The following PTPRM variants were observed in gnomAD, a reference collection of about 807,000 sequenced individuals.
PTPRM encodes protein tyrosine phosphatase receptor type M, also known as receptor-type tyrosine-protein phosphatase mu.
A neutral mutation model predicts 186.7 loss-of-function variants in PTPRM; 47 were observed. The ratio of observed to expected loss-of-function variants is 0.25; its 90% CI spans 0.20 to 0.32. The LOEUF (loss-of-function observed/expected upper bound fraction) is 0.32, where lower values mean the gene tolerates loss of function less well. Ranked by LOEUF, PTPRM falls within the 10% of genes least tolerant of loss-of-function variation. The pLI, the probability that PTPRM is intolerant of heterozygous loss-of-function variation, is 1.00. For missense variants in PTPRM, 1,494 were observed against 1,865.0 expected (o/e 0.80, Z 3.66); for synonymous variants, 668 against 674.9 (o/e 0.99, Z 0.16).
intron 7 of PTPRM, among the ~76,000 whole-genome samples, chr18:8,030,486 G>A (rs1266021821): frequency 6.6e-6 from 1 of 152,220 alleles, no homozygotes; most frequent in Non-Finnish European, 1.5e-5. Flanking sequence ...ATGTCAAAGT[G>A]ACTGTGTTAG....
chr18:8,300,455 A>G (rs978668611), intron 20 of PTPRM, among the ~76,000 whole-genome samples: 1 of 151,698 alleles, frequency 6.6e-6, no homozygotes, highest in Non-Finnish European at 1.5e-5. Flanking sequence ...TCACTTCTTC[A>G]TTACTTCTGT....
At chr18:8,217,571 G>T (rs2094104844) in intron 14 of PTPRM, among the ~76,000 whole-genome samples, 2 of 152,188 alleles carry the variant, frequency 1.3e-5, no homozygotes, top group Non-Finnish European at 2.9e-5. Context: ...AATTGATGAA[G>T]CTGAGATACC....
chr18:8,043,831 G>C (rs954344293), intron 7 of PTPRM, among the ~76,000 whole-genome samples: 3 of 152,126 alleles, frequency 2.0e-5, no homozygotes, highest in Admixed American at 1.3e-4. Flanking sequence ...AAGGGGAGGG[G>C]GCGAGCTGGG....
At chr18:8,089,924 A>G (rs902980917) in intron 11 of PTPRM, among the ~76,000 whole-genome samples, 1 of 152,172 alleles carries the variant, frequency 6.6e-6, no homozygotes, top group African/African-American at 2.4e-5. Context: ...AATCTCCAAA[A>G]TGTTTAAAAC....
At chr18:7,741,973 C>T (rs1242954622) in intron 1 of PTPRM, 1 of 152,174 alleles carries the variant, frequency 6.6e-6, no homozygotes, top group Non-Finnish European at 1.5e-5. Flanking sequence ...CCTTCCATTC[C>T]TCCCAGTCCT....
intron 22 of PTPRM, among the ~76,000 whole-genome samples, chr18:8,331,763 A>G (rs1258179359): frequency 6.6e-6 from 1 of 152,228 alleles, no homozygotes; most frequent in African/African-American, 2.4e-5. Flanking sequence ...TCCAGAGTAC[A>G]AAGAGTGCCA....
chr18:7,719,828 GA>G (rs1162486638), intron 1 of PTPRM, among the ~76,000 whole-genome samples: 1 of 152,098 alleles, frequency 6.6e-6, no homozygotes, highest in Non-Finnish European at 1.5e-5. Flanking sequence ...GATGATACTA[GA>G]AAATCCAAAC....
intron 2 of PTPRM, among the ~76,000 whole-genome samples, chr18:7,774,983 T>C (rs999670951): frequency 2.6e-5 from 4 of 152,164 alleles, no homozygotes; most frequent in Non-Finnish European, 5.9e-5. Flanking sequence ...ATAAGTTTGC[T>C]CCACTCAGGA....
At chr18:7,695,140 G>A (rs767097976) in intron 1 of PTPRM, among the ~76,000 whole-genome samples, 30 of 152,174 alleles carry the variant, frequency 2.0e-4, no homozygotes, top group South Asian at 6.2e-4. Context: ...TCCCCATGCC[G>A]CTGTTTTCTA....
At chr18:7,930,293 C>T (rs1475435825) in intron 5 of PTPRM, among the ~76,000 whole-genome samples, 4 of 152,174 alleles carry the variant, frequency 2.6e-5, no homozygotes, top group Non-Finnish European at 5.9e-5. Flanking sequence ...TGGTCTCAAA[C>T]TCATGGGCTC....
chr18:7,845,362 A>G (rs933394975), intron 2 of PTPRM, among the ~76,000 whole-genome samples: 2 of 152,196 alleles, frequency 1.3e-5, no homozygotes, highest in African/African-American at 4.8e-5. Context: ...TGAAAACCTG[A>G]CAAATGTCCA....
At chr18:8,146,257 T>G (rs1433887444) in intron 14 of PTPRM, among the ~76,000 whole-genome samples, 1 of 152,078 alleles carries the variant, frequency 6.6e-6, no homozygotes, top group African/African-American at 2.4e-5. Flanking sequence ...CTCCCAATCT[T>G]GTGATCCGCC....
chr18:8,010,280 G>A (rs1379138779), intron 7 of PTPRM, among the ~76,000 whole-genome samples: 1 of 152,086 alleles, frequency 6.6e-6, no homozygotes, highest in African/African-American at 2.4e-5. Flanking sequence ...TTTGGTCAAG[G>A]CATTTCCCTT....
At chr18:7,785,920 A>G (rs763819644) in intron 2 of PTPRM, among the ~76,000 whole-genome samples, 2 of 152,176 alleles carry the variant, frequency 1.3e-5, no homozygotes, top group African/African-American at 2.4e-5. Flanking sequence ...ATTGGTAGAT[A>G]TTTTGGTGGT....
chr18:8,105,012 G>C (rs1024741673), intron 11 of PTPRM, among the ~76,000 whole-genome samples: 2 of 152,096 alleles, frequency 1.3e-5, no homozygotes, highest in Admixed American at 1.3e-4. Flanking sequence ...AACCTTCAGG[G>C]CTAAATGCAC....
chr18:7,905,897 A>G (rs2049954829), intron 3 of PTPRM, among the ~76,000 whole-genome samples: 1 of 152,224 alleles, frequency 6.6e-6, no homozygotes, highest in Non-Finnish European at 1.5e-5. Context: ...GAAAAGGTTT[A>G]GATCACCTAA....
chr18:8,283,642 A>T (rs374602410), intron 19 of PTPRM, among the ~76,000 whole-genome samples: 17 of 152,108 alleles, frequency 1.1e-4, no homozygotes, highest in East Asian at 7.7e-4. Flanking sequence ...GTTTTTTGAG[A>T]CAGAGTCTTG....
chr18:7,623,408 T>G (rs999786498), intron 1 of PTPRM, among the ~76,000 whole-genome samples: 2 of 152,162 alleles, frequency 1.3e-5, no homozygotes, highest in Non-Finnish European at 2.9e-5. Flanking sequence ...CAGATTTCCA[T>G]GCACGTATAT....
At chr18:8,219,183 T>C (rs1422951470) in intron 14 of PTPRM, among the ~76,000 whole-genome samples, 1 of 152,216 alleles carries the variant, frequency 6.6e-6, no homozygotes, top group Non-Finnish European at 1.5e-5. Context: ...AGAGGCTTAT[T>C]CTGGCCAAGC....
Sources: allele counts gnomAD v4.1 joint callset (sites outside exome capture counted in the v4.1 genomes callset), GRCh38; gene constraint gnomAD v4.1.1; transcripts MANE v1.5; gene names NCBI Gene and HGNC (gene_info 2026-07-23, HGNC 2026-07-21).